Variants in CDC42BPB observed in about 807,000 individuals in gnomAD.
CDC42BPB encodes the protein CDC42 binding protein kinase beta.
In CDC42BPB, 37 loss-of-function variants were observed where a neutral mutation model predicts 214.9. The ratio of observed to expected loss-of-function variants is 0.17; its 90% confidence interval spans 0.13 to 0.23. The LOEUF is 0.23. Among genes scored for constraint, CDC42BPB ranks in the 10% least tolerant of loss-of-function variants. The pLI is 1.00. For synonymous variants in CDC42BPB, 931 were observed against 884.0 expected (o/e 1.05, Z -0.94); for missense variants, 1,694 against 2,227.0 (o/e 0.76, Z 4.82).
chr14:103,025,195 T>C (rs926818005), intron 1 of CDC42BPB, among the ~76,000 whole-genome samples: 1 of 152,168 alleles, frequency 6.6e-6, no homozygotes, highest in African/African-American at 2.4e-5. Context: ...TTCAAATTAC[T>C]TGAGAACTGG....
chr14:102,952,274 T>C (rs539597303), intron 24 of CDC42BPB, among the ~76,000 whole-genome samples: 1 of 152,192 alleles, frequency 6.6e-6, no homozygotes, highest in Non-Finnish European at 1.5e-5. Context: ...AGGGAATCGC[T>C]TGAGCTGAAC....
Position 102,954,213 on chromosome 14 carries a change from A to G in CDC42BPB, c.3051T>C (p.Ala1017=), listed in dbSNP as rs759644435. 9.0e-6 allele frequency: 14 copies of G among 1,549,276 alleles called. No individual in the cohort carries two copies. Reference sequence around the variant, plus strand: ...AGGCCCCTACCTTCGGTCCAGCCAGAGCCAGGGCCTGCGTGGTGGGCAACG... The same window carrying G: ...AGGCCCCTACCTTCGGTCCAGCCAGGGCCAGGGCCTGCGTGGTGGGCAACG... ...AVPLPTTQAL[A]LAGPKPKAHQ... The change falls in exon 23 of 37, where the codon GCT becomes GCC. Residue 1017 remains alanine (A), a synonymous_variant. Coordinates refer to ENST00000361246, the MANE Select transcript of CDC42BPB (RefSeq NM_006035.4).
intron 21 of CDC42BPB, among the ~76,000 whole-genome samples, chr14:102,958,071 A>G (rs1892790490): frequency 6.6e-6 from 1 of 152,248 alleles, no homozygotes; most frequent in African/African-American, 2.4e-5. Context: ...GTTCCAGATT[A>G]AAGGAAACAA....
chr14:102,986,496 A>G lies in CDC42BPB; in HGVS notation c.681T>C (p.Asp227=). The G allele has an allele frequency of 1.2e-6, 2 of 1,613,074 alleles. No individual in the cohort carries two copies. Among genetic ancestry groups the G allele is most frequent in the Non-Finnish European group, 8.5e-7 (1 of 1,179,126 alleles). ...ADFGSCLKMN[D]DGTVQSSVAV... ...CAACAAAAATACCTACAGTGCCATCATCATTCATCTTCAAACATGATCCAA... is the reference window on the plus strand; with the variant it reads ...CAACAAAAATACCTACAGTGCCATCGTCATTCATCTTCAAACATGATCCAA... The change falls in exon 6 of 37, where the codon GAT becomes GAC. Residue 227 remains aspartate (D), a synonymous_variant. Coordinates refer to ENST00000361246, the MANE Select transcript of CDC42BPB (RefSeq NM_006035.4).
chr14:103,007,774 T>C (rs564604959), intron 3 of CDC42BPB, among the ~76,000 whole-genome samples: 65 of 143,688 alleles, frequency 4.5e-4, no homozygotes, highest in Non-Finnish European at 8.2e-4. Flanking sequence ...TGGAGCATGA[T>C]GGACGGAGCA....
chr14:103,043,498 G>A (rs1388784245), intron 1 of CDC42BPB, among the ~76,000 whole-genome samples: 2 of 152,074 alleles, frequency 1.3e-5, no homozygotes, highest in Non-Finnish European at 2.9e-5. Flanking sequence ...TAGATTTGTG[G>A]TTGCTCAGGG....
At chr14:102,986,754 A>T (rs1444288768) in intron 5 of CDC42BPB, 174 bp from the exon 6 acceptor site, 1 of 984,814 alleles carries the variant, frequency 1.0e-6, no homozygotes, top group African/African-American at 1.7e-5. Context: ...TGGCAGCCGA[A>T]GTCGTATCAC....
At chr14:103,034,907 T>C (rs1887584622) in intron 1 of CDC42BPB, among the ~76,000 whole-genome samples, 1 of 152,150 alleles carries the variant, frequency 6.6e-6, no homozygotes, top group Non-Finnish European at 1.5e-5. Context: ...TTAAAGTTTC[T>C]TTCCTTAATA....
rs749681734 is a variant in CDC42BPB at position 102,979,216 on chromosome 14, G to GT, written c.1141-1012dup. On this transcript the variant is annotated intron_variant, in intron 8 of 36. Coordinates refer to ENST00000361246, the MANE Select transcript of CDC42BPB (RefSeq NM_006035.4). Reference sequence around the variant, plus strand: ...GGTGCAAATAGATTTAACTTTTCTTGTTTTTTTTTTTTTTTGAGATGGACT... The same window carrying GT: ...GGTGCAAATAGATTTAACTTTTCTTGTTTTTTTTTTTTTTTTGAGATGGACT... 6.5e-3 allele frequency among the ~76,000 whole-genome samples: 897 copies of GT among 138,262 alleles called. 1 individual carries two copies. The highest frequency in any genetic ancestry group is 0.011 in the Middle Eastern group (3 of 270). The allele number at this position is 138,262 out of a possible 152,430, so 90.7% of individuals were successfully genotyped here.
At chr14:102,983,184 C>G (rs183258994) in intron 7 of CDC42BPB, among the ~76,000 whole-genome samples, 1 of 152,238 alleles carries the variant, frequency 6.6e-6, no homozygotes, top group Non-Finnish European at 1.5e-5. Context: ...TGGACCTCCC[C>G]ACTGGCTACC....
At position 102,939,965 on chromosome 14, in the gene CDC42BPB, G is replaced by A. The variant is rs759594063; in HGVS notation, c.4592-18C>T. 1.5e-5 allele frequency: 24 copies of A among 1,613,660 alleles called. No individual in the cohort carries two copies. Among genetic ancestry groups the A allele is most frequent in the South Asian group, 6.6e-5 (6 of 91,088 alleles). ...AACCGCTCCTGCAGAAGCAGAGCGC[G>A]CGGTGACGGTGCTGCGGCACCAGGG... On this transcript the variant is annotated intron_variant, in intron 32 of 36. Transcript: ENST00000361246.
At chr14:103,048,412 G>C (rs1391036852) in intron 1 of CDC42BPB, among the ~76,000 whole-genome samples, 1 of 151,428 alleles carries the variant, frequency 6.6e-6, no homozygotes, top group East Asian at 1.9e-4. Flanking sequence ...GGCATGGCTG[G>C]GCGCGGTAGC....
intron 34 of CDC42BPB, among the ~76,000 whole-genome samples, chr14:102,938,840 C>T (rs1481929690): frequency 6.6e-6 from 1 of 152,058 alleles, no homozygotes; most frequent in Non-Finnish European, 1.5e-5. Context: ...GTTGGCCAGG[C>T]TGGTCTCAAA....
intron 36 of CDC42BPB, among the ~76,000 whole-genome samples, chr14:102,934,407 A>G (rs1595439507): frequency 2.0e-5 from 3 of 152,154 alleles, no homozygotes; most frequent in African/African-American, 7.2e-5. Context: ...GGCAGCATGC[A>G]CCTGTAGTCC....
chr14:103,021,432 C>T (rs1222773323), intron 1 of CDC42BPB, among the ~76,000 whole-genome samples: 1 of 151,958 alleles, frequency 6.6e-6, no homozygotes, highest in Non-Finnish European at 1.5e-5. Flanking sequence ...CGCCACTGCA[C>T]TCCAGCCTGG....
intron 6 of CDC42BPB, among the ~76,000 whole-genome samples, chr14:102,986,011 G>GT (rs1371893926): frequency 2.0e-5 from 3 of 152,208 alleles, no homozygotes; most frequent in African/African-American, 7.2e-5. Context: ...AGCTGGCCCC[G>GT]TAACACTGAG....
chr14:102,973,379 G>A lies in CDC42BPB; in HGVS notation c.1641+637C>T, dbSNP rs35689629. 6.4e-3 allele frequency among the ~76,000 whole-genome samples: 975 copies of A among 152,272 alleles called. 15 individuals carry two copies. The highest frequency in any genetic ancestry group is 0.022 in the African/African-American group (929 of 41,550). On this transcript the variant is annotated intron_variant, in intron 12 of 36. Transcript: ENST00000361246. ...TCAATGAATGTATTTTAGAAAACAC[G>A]CATATAATTGTGTTAGTAACATGCT... is the stretch of plus-strand genomic sequence containing the variant.
intron 1 of CDC42BPB, among the ~76,000 whole-genome samples, chr14:103,020,913 T>C (rs1053244268): frequency 5.3e-5 from 8 of 152,238 alleles, no homozygotes; most frequent in Admixed American, 2.6e-4. Context: ...TAAGCTCTTT[T>C]GTAAGATGTC....
At position 102,944,959 on chromosome 14, in the gene CDC42BPB, G is replaced by A. The variant is rs1892086139; in HGVS notation, c.3812-472C>T. On this transcript the variant is annotated intron_variant, in intron 29 of 36. Coordinates refer to ENST00000361246, the MANE Select transcript of CDC42BPB (RefSeq NM_006035.4). This position sits in a 1 kb window ranked among gnomAD's most constrained non-coding sequence, Gnocchi z 6.6. The stretch of plus-strand genomic sequence containing the variant: ...TCCTCTGAAGACGCTGCCCTCACAG[G>A]GCCCCCAGTGAAGACACTGCCCTCA... Among the ~76,000 whole-genome samples the A allele has an allele frequency of 6.6e-6, 1 of 152,042 alleles. No homozygotes were observed. The highest frequency in any genetic ancestry group is 6.5e-5 in the Admixed American group (1 of 15,270).
Sources: gnomAD v4.1 joint callset for allele counts (sites outside exome capture counted in the v4.1 genomes callset) on GRCh38, gnomAD v4.1.1 for gene constraint, Gnocchi (gnomAD v3.1) non-coding constraint, MANE v1.5 for transcripts, NCBI Gene and HGNC (gene_info 2026-07-23, HGNC 2026-07-21) for gene names.